PDE4C: variants seen among roughly 807,000 people sequenced by gnomAD.
PDE4C encodes the protein 3',5'-cyclic-AMP phosphodiesterase 4C.
In PDE4C, 50 loss-of-function variants were observed where a neutral mutation model predicts 63.9. The ratio of observed to expected loss-of-function variants is 0.78; its 90% CI spans 0.62 to 0.99. PDE4C has a LOEUF of 0.99. Ranked by LOEUF, PDE4C falls within the 50% of genes least tolerant of loss-of-function variation. PDE4C has a pLI of 0.00. For synonymous variants in PDE4C, 377 were observed against 385.1 expected (o/e 0.98, Z 0.25); for missense variants, 777 against 899.1 (o/e 0.86, Z 1.74).
chr19:18,222,003 C>A lies in PDE4C; in HGVS notation c.338+129G>T. 2.7e-6 allele frequency: 2 copies of A among 740,288 alleles called. 1 individual carries two copies. The allele number at this position is 740,288 out of a possible 1,614,324, so 45.9% of individuals were successfully genotyped here. On this transcript the variant is annotated intron_variant, in intron 2 of 14. Transcript: ENST00000262805. ...CTACACACTTGATTGAATATATGAG[C>A]TGTCTGGCAAACTCCTACTTAAACT... is the stretch of plus-strand genomic sequence containing the variant.
exon 11 of PDE4C, chr19:18,218,153 G>A (rs151012513): frequency 7.4e-6 from 12 of 1,612,618 alleles, no homozygotes; most frequent in African/African-American, 4.0e-5. Flanking sequence ...ACTTACTGGT[G>A]TTAATCAGAA....
upstream of PDE4C, among the ~76,000 whole-genome samples, chr19:18,252,753 G>T (rs938256460): frequency 5.3e-5 from 8 of 152,070 alleles, no homozygotes; most frequent in Non-Finnish European, 7.4e-5. Flanking sequence ...AAGTAGCTGG[G>T]ATTACAGGCG....
intron 1 of PDE4C, among the ~76,000 whole-genome samples, chr19:18,241,093 C>A (rs919983186): frequency 1.3e-5 from 2 of 152,014 alleles, no homozygotes; most frequent in African/African-American, 4.8e-5. Flanking sequence ...AAGTGCTCTA[C>A]AAGAGGCCTC....
upstream of PDE4C, among the ~76,000 whole-genome samples, chr19:18,229,450 A>G (rs1968804741): frequency 6.6e-6 from 1 of 152,162 alleles, no homozygotes; most frequent in Non-Finnish European, 1.5e-5. Flanking sequence ...CATGTTGGCC[A>G]GGCTGGTCTT....
At position 18,220,702 on chromosome 19, in the gene PDE4C, T is replaced by C. The variant is rs1452373311; in HGVS notation, c.499+172A>G. The C allele has an allele frequency of 1.3e-6, 1 of 784,798 alleles. No homozygotes were observed. Among genetic ancestry groups the C allele is most frequent in the Non-Finnish European group, 2.1e-6 (1 of 475,164 alleles). 48.6% of individuals were successfully genotyped at this position (784,798 alleles called of 1,614,324 possible). ...ACCATGAGATCTCTGGGCCTCAGCC[T>C]CCTCATCTGTAATATGAGTGTGGTG... is the stretch of plus-strand genomic sequence containing the variant. On this transcript the variant is annotated intron_variant, in intron 5 of 14. Coordinates refer to ENST00000262805, the Ensembl canonical transcript of PDE4C. This position sits in a 1 kb window ranked among gnomAD's most constrained non-coding sequence, Gnocchi z 5.1.
intron 1 of PDE4C, among the ~76,000 whole-genome samples, chr19:18,242,062 C>A (rs1196074683): frequency 6.6e-6 from 1 of 152,076 alleles, no homozygotes; most frequent in Admixed American, 6.6e-5. Context: ...TGGCTTTGAG[C>A]CGAGGCCTGA....
At chr19:18,219,431 C>T (rs1324389031) in intron 7 of PDE4C, 34 bp from the exon 8 acceptor site, 7 of 1,547,558 alleles carry the variant, frequency 4.5e-6, no homozygotes, top group South Asian at 1.2e-5. Flanking sequence ...TCAGAGAAGC[C>T]GATTTCACCT....
chr19:18,239,396 G>A (rs558190940), intron 1 of PDE4C, among the ~76,000 whole-genome samples: 13 of 152,194 alleles, frequency 8.5e-5, no homozygotes, highest in African/African-American at 2.4e-4. Flanking sequence ...GCTCTTCAGC[G>A]CAACAGATCT....
intron 2 of PDE4C, among the ~76,000 whole-genome samples, chr19:18,221,624 G>A (rs1478181852): frequency 2.0e-5 from 3 of 151,894 alleles, no homozygotes; most frequent in East Asian, 3.9e-4. Context: ...TTGTTTGTTT[G>A]TTTGTTTGTT....
intron 1 of PDE4C, among the ~76,000 whole-genome samples, chr19:18,241,588 A>G (rs1015647710): frequency 6.7e-6 from 1 of 149,390 alleles, no homozygotes; most frequent in African/African-American, 2.5e-5. Context: ...TTTCTCTGTC[A>G]CCCAGGCTGG....
chr19:18,213,617 T>A, intron 12 of PDE4C, 127 bp from the exon 13 acceptor site: 2 of 1,075,274 alleles, frequency 1.9e-6, no homozygotes, highest in South Asian at 3.5e-5. Context: ...ATCTGTGAAA[T>A]GGAAGGATGC....
At chr19:18,243,557 CAT>C (rs1344238572) in intron 1 of PDE4C, among the ~76,000 whole-genome samples, 2 of 152,188 alleles carry the variant, frequency 1.3e-5, no homozygotes, top group African/African-American at 4.8e-5. Flanking sequence ...TGGAGCATCA[CAT>C]GAGTCCCAGA....
intron 7 of PDE4C, among the ~76,000 whole-genome samples, chr19:18,219,945 C>G (rs182019028): frequency 2.0e-5 from 3 of 152,252 alleles, no homozygotes; most frequent in African/African-American, 7.2e-5. Flanking sequence ...AGCATTTTCC[C>G]CCAAACAGCC....
In PDE4C at chr19:18,220,071, C is replaced by T. The variant is rs1968388949; in HGVS notation, c.706+155G>A. ...ATGTCCCCTGCTCCTGGAAGTTCCCCTTGTTCCTCCCTCTGATCCAGCCCT... is the reference window on the plus strand; with the variant it reads ...ATGTCCCCTGCTCCTGGAAGTTCCCTTTGTTCCTCCCTCTGATCCAGCCCT... On this transcript the variant is annotated intron_variant, in intron 7 of 14. Transcript: ENST00000262805. This position sits in a 1 kb window ranked among gnomAD's most constrained non-coding sequence, Gnocchi z 5.1. 1.2e-5 allele frequency: 8 copies of T among 679,484 alleles called. No individual in the cohort carries two copies. In the South Asian group the frequency reaches 1.4e-4, roughly 12 times the overall value. 42.1% of individuals were successfully genotyped at this position (679,484 alleles called of 1,614,324 possible).
At chr19:18,244,150 C>G (rs1969089487) in intron 1 of PDE4C, among the ~76,000 whole-genome samples, 1 of 152,184 alleles carries the variant, frequency 6.6e-6, no homozygotes, top group African/African-American at 2.4e-5. Flanking sequence ...GGATTACAGG[C>G]ATGAACTGCT....
At chr19:18,252,415 A>G, upstream of PDE4C, 2 of 398,940 alleles carry the variant, frequency 5.0e-6, no homozygotes, top group Non-Finnish European at 8.8e-6. Context: ...GCGAAGGGAG[A>G]AGAAATCAGA....
upstream of PDE4C, among the ~76,000 whole-genome samples, chr19:18,237,845 C>G (rs1179083235): frequency 7.2e-6 from 1 of 138,960 alleles, no homozygotes; most frequent in Non-Finnish European, 1.5e-5. Context: ...TGCACTCCAG[C>G]CTGAGTGACA....
At chr19:18,223,325 C>T (rs1264134304) in intron 1 of PDE4C, among the ~76,000 whole-genome samples, 1 of 152,156 alleles carries the variant, frequency 6.6e-6, no homozygotes, top group Non-Finnish European at 1.5e-5. Context: ...ATTCTCCTGC[C>T]TCAGCCTCCC....
At chr19:18,228,999 A>C (rs1236978439), upstream of PDE4C, among the ~76,000 whole-genome samples, 1 of 152,096 alleles carries the variant, frequency 6.6e-6, no homozygotes, top group Admixed American at 6.5e-5. Context: ...GCAATGGCAC[A>C]ATCTCGGCTC....
Sources: allele counts gnomAD v4.1 joint callset (sites outside exome capture counted in the v4.1 genomes callset), GRCh38; gene constraint gnomAD v4.1.1; non-coding constraint Gnocchi (gnomAD v3.1); transcripts MANE v1.5; gene names NCBI Gene and HGNC (gene_info 2026-07-23, HGNC 2026-07-21).